ZNF267: variants seen among roughly 807,000 people sequenced by gnomAD.
ZNF267 encodes zinc finger (C2H2).
In ZNF267, 61 loss-of-function variants were observed where a neutral mutation model predicts 71.6. That is an observed-to-expected ratio of 0.85 (90% confidence interval 0.69 to 1.05). The LOEUF is 1.05. Among genes scored for constraint, ZNF267 ranks in the 50% least tolerant of loss-of-function variants. The probability of loss-of-function intolerance (pLI) is 0.00; values close to 1 mark genes in which losing one functional copy is unlikely to be tolerated. For synonymous variants in ZNF267, 288 were observed against 293.2 expected, an observed-to-expected ratio of 0.98 and a Z score of 0.18; for missense variants, 852 against 870.0, an observed-to-expected ratio of 0.98 and a Z score of 0.26.
chr16:31,896,847 T>C (rs3861268), intron 3 of ZNF267, among the ~76,000 whole-genome samples: 133,696 of 152,054 alleles, frequency 0.88, 60,292 homozygotes, highest in East Asian at 1. Flanking sequence ...TGCATTAAAT[T>C]CATAGATCAT....
chr16:31,893,833 T>C (rs2083977716), intron 3 of ZNF267, among the ~76,000 whole-genome samples: 1 of 152,194 alleles, frequency 6.6e-6, no homozygotes, highest in South Asian at 2.1e-4. Flanking sequence ...GGGCAGGACT[T>C]TTTTTCCAGA....
At chr16:31,891,339 T>G (rs1316134992) in intron 3 of ZNF267, among the ~76,000 whole-genome samples, 1 of 152,254 alleles carries the variant, frequency 6.6e-6, no homozygotes, top group Non-Finnish European at 1.5e-5. Context: ...TTTGTAGCTT[T>G]TATACTAGAG....
intron 3 of ZNF267, among the ~76,000 whole-genome samples, chr16:31,894,366 G>T (rs1269661727): frequency 1.3e-5 from 2 of 152,104 alleles, no homozygotes; most frequent in African/African-American, 4.8e-5. Flanking sequence ...CTTCCTTATA[G>T]CTTGAAGAAC....
At chr16:31,884,004 A>G (rs1468049385) in intron 1 of ZNF267, among the ~76,000 whole-genome samples, 1 of 152,162 alleles carries the variant, frequency 6.6e-6, no homozygotes, top group Non-Finnish European at 1.5e-5. Flanking sequence ...CAACCACTGC[A>G]CTCCAGCCTG....
chr16:31,876,664 G>T (rs1368575325), intron 1 of ZNF267, among the ~76,000 whole-genome samples: 1 of 152,174 alleles, frequency 6.6e-6, no homozygotes, highest in Non-Finnish European at 1.5e-5. Context: ...TTTCTGTTGA[G>T]GTATAAATTA....
chr16:31,903,305 A>C (rs1339753242), intron 3 of ZNF267, among the ~76,000 whole-genome samples: 1 of 152,236 alleles, frequency 6.6e-6, no homozygotes, highest in Non-Finnish European at 1.5e-5. Flanking sequence ...GCCTGATAAA[A>C]TGAGTTAGGG....
intron 1 of ZNF267, among the ~76,000 whole-genome samples, chr16:31,879,840 G>A (rs1038657975): frequency 2.0e-5 from 3 of 152,172 alleles, no homozygotes; most frequent in African/African-American, 7.2e-5. Context: ...CATACATTGA[G>A]CAGGCCGGAG....
At chr16:31,897,634 A>T (rs980173624) in intron 3 of ZNF267, among the ~76,000 whole-genome samples, 1 of 152,188 alleles carries the variant, frequency 6.6e-6, no homozygotes, top group East Asian at 1.9e-4. Flanking sequence ...CTGCAAAGAG[A>T]TCTATTGATA....
intron 1 of ZNF267, among the ~76,000 whole-genome samples, chr16:31,876,141 C>T (rs1302658797): frequency 6.6e-6 from 1 of 151,944 alleles, no homozygotes; most frequent in African/African-American, 2.4e-5. Flanking sequence ...ACATCAGTTT[C>T]TTTTTTTTGT....
intron 3 of ZNF267, among the ~76,000 whole-genome samples, chr16:31,894,165 A>G (rs1367358934): frequency 6.6e-6 from 1 of 152,188 alleles, no homozygotes; most frequent in Admixed American, 6.5e-5. Flanking sequence ...CCATGGCTTT[A>G]TGGACATCTT....
intron 1 of ZNF267, chr16:31,875,435 C>T (rs529297357): frequency 1.3e-6 from 1 of 774,142 alleles, no homozygotes; most frequent in Middle Eastern, 5.6e-4. Context: ...TAGTTTTCAT[C>T]CCTTGGAGAC....
chr16:31,904,027 T>C lies in ZNF267; in HGVS notation c.227-10449T>C, dbSNP rs1221151584. Among the ~76,000 whole-genome samples the C allele has an allele frequency of 2.0e-5, 3 of 152,216 alleles. No homozygotes were observed. The East Asian group carries it at 5.8e-4, about 29-fold the overall frequency. On this transcript the variant is annotated intron_variant, in intron 3 of 3. Transcript: ENST00000300870. ...GTTTCAAAGAACGTCTTTATTTATG[T>C]CTTCATTTCGTTATGTATCCAGTAG...
At chr16:31,895,492 A>G (rs2083991733) in intron 3 of ZNF267, among the ~76,000 whole-genome samples, 1 of 152,222 alleles carries the variant, frequency 6.6e-6, no homozygotes, top group African/African-American at 2.4e-5. Context: ...CAGTAGTGGA[A>G]TTGCTGGATC....
intron 3 of ZNF267, among the ~76,000 whole-genome samples, chr16:31,897,111 A>T (rs1350371050): frequency 1.3e-5 from 2 of 151,668 alleles, no homozygotes; most frequent in African/African-American, 4.8e-5. Context: ...ACATTTACAA[A>T]ACCTGAACAC....
chr16:31,898,994 A>AAT (rs1175792477), intron 3 of ZNF267, among the ~76,000 whole-genome samples: 1 of 152,124 alleles, frequency 6.6e-6, no homozygotes, highest in African/African-American at 2.4e-5. Flanking sequence ...AACTATCCTA[A>AAT]ATATATATAC....
intron 3 of ZNF267, among the ~76,000 whole-genome samples, chr16:31,904,173 C>T (rs2084067063): frequency 6.6e-6 from 1 of 152,136 alleles, no homozygotes; most frequent in Non-Finnish European, 1.5e-5. Flanking sequence ...CATTTCTGTT[C>T]TTTTACATTT....
intron 3 of ZNF267, among the ~76,000 whole-genome samples, chr16:31,892,705 C>T (rs111465706): frequency 0.016 from 2,420 of 152,340 alleles, 17 homozygotes; most frequent in Non-Finnish European, 0.028. Context: ...CAAAATCCAG[C>T]AGGGCAGTCA....
At chr16:31,893,368 A>G (rs547671157) in intron 3 of ZNF267, among the ~76,000 whole-genome samples, 29 of 152,364 alleles carry the variant, frequency 1.9e-4, no homozygotes, top group Admixed American at 1.4e-3. Flanking sequence ...AGGGGCTGCC[A>G]TGAAGACTTC....
chr16:31,898,607 A>G (rs2084016810), intron 3 of ZNF267, among the ~76,000 whole-genome samples: 1 of 151,568 alleles, frequency 6.6e-6, no homozygotes, highest in Non-Finnish European at 1.5e-5. Context: ...TATCTACTAT[A>G]GGTATTTTTG....
Sources: allele counts gnomAD v4.1 joint callset (sites outside exome capture counted in the v4.1 genomes callset), GRCh38; gene constraint gnomAD v4.1.1; transcripts MANE v1.5; gene names NCBI Gene and HGNC (gene_info 2026-07-23, HGNC 2026-07-21).